Variants in GPC5 observed in about 807,000 individuals in gnomAD.
GPC5 encodes glypican-5.
In GPC5, 47 loss-of-function variants were observed where a neutral mutation model predicts 53.9. The ratio of observed to expected loss-of-function variants is 0.87; its 90% CI spans 0.69 to 1.11. The LOEUF is 1.11. Among genes scored for constraint, GPC5 ranks in the 50% most tolerant of loss-of-function variants. The pLI, the probability that GPC5 is intolerant of heterozygous loss-of-function variation, is 0.00. For missense variants in GPC5, 748 were observed against 713.1 expected (o/e 1.05, Z -0.56); for synonymous variants, 286 against 263.3 (o/e 1.09, Z -0.84).
At chr13:92,036,894 G>C (rs1204640077) in intron 6 of GPC5, among the ~76,000 whole-genome samples, 1 of 152,216 alleles carries the variant, frequency 6.6e-6, no homozygotes, top group African/African-American at 2.4e-5. Flanking sequence ...TTCCTATAGT[G>C]ATCTAGTACA....
intron 7 of GPC5, among the ~76,000 whole-genome samples, chr13:92,435,562 G>A (rs1029939752): frequency 7.9e-5 from 12 of 152,288 alleles, no homozygotes; most frequent in Admixed American, 5.9e-4. Context: ...AATATGATGT[G>A]AGCAAAGGCT....
At chr13:92,698,380 T>C (rs1014623040) in intron 7 of GPC5, among the ~76,000 whole-genome samples, 3 of 151,592 alleles carry the variant, frequency 2.0e-5, no homozygotes, top group Non-Finnish European at 4.4e-5. Context: ...TGTGTTCTCA[T>C]TGTTCAATTC....
At chr13:92,847,072 C>A (rs1363123249) in intron 7 of GPC5, among the ~76,000 whole-genome samples, 1 of 152,118 alleles carries the variant, frequency 6.6e-6, no homozygotes, top group Non-Finnish European at 1.5e-5. Context: ...CAACCCCTAC[C>A]TACATAGCCA....
chr13:91,992,732 A>G (rs1019695232), intron 6 of GPC5, among the ~76,000 whole-genome samples: 3 of 152,306 alleles, frequency 2.0e-5, no homozygotes, highest in East Asian at 1.9e-4. Flanking sequence ...CTGGGATTAC[A>G]GGTATAAGCC....
chr13:92,443,415 G>A (rs1439518524), intron 7 of GPC5, among the ~76,000 whole-genome samples: 1 of 152,036 alleles, frequency 6.6e-6, no homozygotes, highest in Non-Finnish European at 1.5e-5. Flanking sequence ...TATAATTGGT[G>A]GTTTAGGATA....
intron 6 of GPC5, among the ~76,000 whole-genome samples, chr13:92,034,803 A>C (rs1445528633): frequency 6.6e-6 from 1 of 152,178 alleles, no homozygotes; most frequent in Non-Finnish European, 1.5e-5. Flanking sequence ...GCGTAACATT[A>C]TGTAACTCTA....
At chr13:91,539,535 C>G (rs1263843355) in intron 2 of GPC5, among the ~76,000 whole-genome samples, 5 of 152,096 alleles carry the variant, frequency 3.3e-5, no homozygotes, top group African/African-American at 4.8e-5. Flanking sequence ...TATTTCCCAT[C>G]AATTAAAATC....
intron 4 of GPC5, among the ~76,000 whole-genome samples, chr13:91,734,273 T>C (rs2036766443): frequency 6.6e-6 from 1 of 151,416 alleles, no homozygotes; most frequent in Admixed American, 6.6e-5. Context: ...ATCAGGGATA[T>C]TGGCCCGAAT....
At chr13:91,603,463 G>A (rs1268836554) in intron 2 of GPC5, among the ~76,000 whole-genome samples, 1 of 152,186 alleles carries the variant, frequency 6.6e-6, no homozygotes, top group East Asian at 1.9e-4. Flanking sequence ...TGGCAGAAGT[G>A]GTCAGTGGCC....
intron 7 of GPC5, among the ~76,000 whole-genome samples, chr13:92,788,215 A>ACT (rs1181308529): frequency 4.6e-5 from 7 of 152,168 alleles, no homozygotes; most frequent in Non-Finnish European, 1.0e-4. Context: ...AAGAAATAGG[A>ACT]ACATGTCCAT....
chr13:91,586,538 A>G (rs1206959827), intron 2 of GPC5, among the ~76,000 whole-genome samples: 4 of 48,508 alleles, frequency 8.2e-5, no homozygotes, highest in South Asian at 6.1e-4. Flanking sequence ...ATATATATAT[A>G]TATATATATA....
chr13:91,872,173 A>G (rs2039152592), intron 5 of GPC5, among the ~76,000 whole-genome samples: 1 of 152,162 alleles, frequency 6.6e-6, no homozygotes, highest in South Asian at 2.1e-4. Flanking sequence ...GGCTGTTCTC[A>G]TATTAATACC....
intron 7 of GPC5, among the ~76,000 whole-genome samples, chr13:92,758,027 G>A (rs1332147404): frequency 1.3e-5 from 2 of 150,900 alleles, no homozygotes; most frequent in African/African-American, 4.9e-5. Flanking sequence ...AAAGACACAT[G>A]CACACGTATG....
chr13:92,673,650 A>G (rs1262958792), intron 7 of GPC5, among the ~76,000 whole-genome samples: 1 of 152,226 alleles, frequency 6.6e-6, no homozygotes. Flanking sequence ...ACCAACAGAA[A>G]TACCTGATGG....
chr13:92,164,815 A>G (rs2042015577), intron 7 of GPC5, among the ~76,000 whole-genome samples: 1 of 152,202 alleles, frequency 6.6e-6, no homozygotes, highest in Admixed American at 6.5e-5. Context: ...CTCTGCCTGG[A>G]CATCCAGGCA....
intron 7 of GPC5, among the ~76,000 whole-genome samples, chr13:92,297,865 T>G (rs568273368): frequency 6.6e-6 from 1 of 152,080 alleles, no homozygotes; most frequent in Non-Finnish European, 1.5e-5. Context: ...GCTGCTTTTA[T>G]GAGCTGTAAC....
At chr13:92,767,243 G>C (rs1018854651) in intron 7 of GPC5, among the ~76,000 whole-genome samples, 1 of 152,134 alleles carries the variant, frequency 6.6e-6, no homozygotes, top group Non-Finnish European at 1.5e-5. Context: ...AGGCCAAGCA[G>C]GTGGATCACT....
intron 7 of GPC5, among the ~76,000 whole-genome samples, chr13:92,786,837 T>C (rs1257185329): frequency 6.6e-6 from 1 of 151,762 alleles, no homozygotes; most frequent in Non-Finnish European, 1.5e-5. Flanking sequence ...TGTGGGGTAA[T>C]GAGGAAGAAA....
intron 5 of GPC5, among the ~76,000 whole-genome samples, chr13:91,863,384 T>C (rs189017279): frequency 6.6e-6 from 1 of 152,298 alleles, no homozygotes; most frequent in African/African-American, 2.4e-5. Context: ...ATTTTATCTG[T>C]TTCTTTATTC....
Sources: gnomAD v4.1 joint callset for allele counts (sites outside exome capture counted in the v4.1 genomes callset) on GRCh38, gnomAD v4.1.1 for gene constraint, MANE v1.5 for transcripts, NCBI Gene and HGNC (gene_info 2026-07-23, HGNC 2026-07-21) for gene names.